Variants in USH1G observed in about 807,000 individuals in gnomAD.
The protein encoded by USH1G is USH1 protein network component sans.
A neutral mutation model predicts 31.9 loss-of-function variants in USH1G; 27 were observed. The observed-to-expected ratio is 0.85, with a 90% CI of 0.62 to 1.17. USH1G has a LOEUF of 1.17. Ranked by LOEUF, USH1G falls within the 50% of genes most tolerant of loss-of-function variation. USH1G has a pLI of 0.00. For synonymous variants in USH1G, 266 were observed against 283.2 expected (o/e 0.94, Z 0.61); for missense variants, 674 against 638.9 (o/e 1.05, Z -0.59).
chr17:74,923,090 G>A lies in USH1G; in HGVS notation c.-17C>T, dbSNP rs2038966038. 1.3e-6 allele frequency: 2 copies of A among 1,560,466 alleles called. No individual in the cohort carries two copies. Among genetic ancestry groups the A allele is most frequent in the African/African-American group, 2.7e-5 (2 of 73,996 alleles). ...GTCGTTCATGGCGCCCGAAGTGGAC[G>A]GGGCGGGCGGGGGACACGGAGAAAG... On this transcript the variant is annotated 5_prime_UTR_variant, in exon 1 of 3. Coordinates refer to ENST00000614341, the MANE Select transcript of USH1G (RefSeq NM_173477.5). The surrounding 1 kb of genome is among the most constrained non-coding windows in gnomAD (Gnocchi z 5.3).
rs979703509 is a variant in USH1G at position 74,921,507 on chromosome 17, G to A, written c.165-836C>T. On this transcript the variant is annotated intron_variant, in intron 1 of 2. Transcript: ENST00000614341. This position sits in a 1 kb window ranked among gnomAD's most constrained non-coding sequence, Gnocchi z 4.6. ...CTCCGGAGCTCTCCCTCCCTTGGGG[G>A]CCCAGCACAGCACCCCTGCCCTGCA... 1.3e-5 allele frequency among the ~76,000 whole-genome samples: 2 copies of A among 152,132 alleles called. No homozygotes were observed. The highest frequency in any genetic ancestry group is 1.3e-4 in the Admixed American group (2 of 15,288).
chr17:74,922,313 TCCACC>T (rs2038952827), intron 1 of USH1G, among the ~76,000 whole-genome samples: 1 of 133,242 alleles, frequency 7.5e-6, no homozygotes, highest in Non-Finnish European at 1.6e-5. Flanking sequence ...CATCACAGCC[TCCACC>T]ATTGCTTAGC....
rs1245079177 is a variant in USH1G at position 74,921,457 on chromosome 17, C to T, written c.165-786G>A. Reference sequence around the variant, plus strand: ...AGCACCCTTCACACCAGACGGGTGTCCCCCAGGGCAAGCTCCCAAGACTCC... The same window carrying T: ...AGCACCCTTCACACCAGACGGGTGTTCCCCAGGGCAAGCTCCCAAGACTCC... On this transcript the variant is annotated intron_variant, in intron 1 of 2. Transcript: ENST00000614341. The surrounding 1 kb of genome is among the most constrained non-coding windows in gnomAD (Gnocchi z 4.6). Among the ~76,000 whole-genome samples, 1 of 151,918 alleles carries T rather than the reference C, an allele frequency of 6.6e-6. No homozygotes were observed. Among genetic ancestry groups the T allele is most frequent in the African/African-American group, 2.4e-5 (1 of 41,332 alleles).
rs766986350 is a variant in USH1G, at chr17:74,919,597, G to A, written c.1239C>T (p.Ile413=). ...AGCACAGCATCAAAGCCTCGAGGTC[G>A]ATCTTCTCCTGCCGCAGGAGGGCGG... ...DFAALLRQEK[I]DLEALMLCSD... is the part of the protein sequence containing the mutation. Residue 413 remains isoleucine (I), a synonymous_variant, in exon 2 of 3, where the codon ATC becomes ATT. Transcript: ENST00000614341. The surrounding 1 kb of genome is among the most constrained non-coding windows in gnomAD (Gnocchi z 4.5). 1 of 1,612,672 alleles carries A rather than the reference G, an allele frequency of 6.2e-7. No individual in the cohort carries two copies. The highest frequency in any genetic ancestry group is 8.5e-7 in the Non-Finnish European group (1 of 1,180,050).
rs1460918320 is a variant in USH1G, at chr17:74,917,468, G to C, written c.*605C>G. 1 of 153,744 alleles carries C rather than the reference G, an allele frequency of 6.5e-6. No homozygotes were observed. Among genetic ancestry groups the C allele is most frequent in the African/African-American group, 2.4e-5 (1 of 41,580 alleles). The allele number at this position is 153,744 out of a possible 1,614,324, so 9.5% of individuals were successfully genotyped here. A position where few individuals can be genotyped will look rare whatever the true frequency, so the allele number is the denominator to read the frequency against. ...CACCCCACCCCAACCCGGCTTTCCA[G>C]CTCCGGGCCTTGACCACTAGGTGAA... On this transcript the variant is annotated 3_prime_UTR_variant, in exon 3 of 3. Transcript: ENST00000614341.
rs1567942110 is a variant in USH1G, at chr17:74,923,176, G to A, written c.-103C>T. 3 of 1,170,938 alleles carry A rather than the reference G, an allele frequency of 2.6e-6. No individual in the cohort carries two copies. Among genetic ancestry groups the A allele is most frequent in the South Asian group, 2.0e-5 (1 of 51,022 alleles). The allele number at this position is 1,170,938 out of a possible 1,614,324, so 72.5% of individuals were successfully genotyped here. On this transcript the variant is annotated 5_prime_UTR_variant, in exon 1 of 3. Coordinates refer to ENST00000614341, the MANE Select transcript of USH1G (RefSeq NM_173477.5). The surrounding 1 kb of genome is among the most constrained non-coding windows in gnomAD (Gnocchi z 5.3). Reference sequence around the variant, plus strand: ...AGGCATGAGGTTGGAGGACGGGGCCGGGCAGGGGCCGGGGCCGCCAGCCCC... The same window carrying A: ...AGGCATGAGGTTGGAGGACGGGGCCAGGCAGGGGCCGGGGCCGCCAGCCCC...
chr17:74,920,560 C>T lies in USH1G; in HGVS notation c.276G>A (p.Trp92Ter). The T allele has an allele frequency of 6.2e-7, 1 of 1,613,776 alleles. No individual in the cohort carries two copies. The highest frequency in any genetic ancestry group is 1.1e-5 in the South Asian group (1 of 91,086). ...SFLVSFGANI[W>*]CLDNDYHTPL... ...GCGTGTGGTAGTCGTTGTCTAGGCACCAGATGTTGGCTCCGAAGGACACCA... is the reference window on the plus strand; with the variant it reads ...GCGTGTGGTAGTCGTTGTCTAGGCATCAGATGTTGGCTCCGAAGGACACCA... The change falls in exon 2 of 3, where the codon TGG (tryptophan) becomes TGA (stop). Residue 92 changes from tryptophan (W) to a stop codon, truncating the protein, a stop_gained. Coordinates refer to ENST00000614341, the MANE Select transcript of USH1G (RefSeq NM_173477.5). LOFTEE classifies it high-confidence loss of function. The surrounding 1 kb of genome is among the most constrained non-coding windows in gnomAD (Gnocchi z 5.2).
rs935827811 is a variant in USH1G at position 74,917,902 on chromosome 17, A to T, written c.*171T>A. 7 of 847,608 alleles carry T rather than the reference A, an allele frequency of 8.3e-6. No homozygotes were observed. Among genetic ancestry groups the T allele is most frequent in the Non-Finnish European group, 1.4e-5 (7 of 517,698 alleles). 52.5% of individuals were successfully genotyped at this position (847,608 alleles called of 1,614,324 possible). A position where few individuals can be genotyped will look rare whatever the true frequency, so the allele number is the denominator to read the frequency against. Reference sequence around the variant, plus strand: ...ATTCTCTTGCCCCTCTGGTGCCTCCAGGCCACACCCTCAGCTTCAAGGTGC... The same window carrying T: ...ATTCTCTTGCCCCTCTGGTGCCTCCTGGCCACACCCTCAGCTTCAAGGTGC... On this transcript the variant is annotated 3_prime_UTR_variant, in exon 3 of 3. Coordinates refer to ENST00000614341, the MANE Select transcript of USH1G (RefSeq NM_173477.5).
rs1350999689 is a variant in USH1G, at chr17:74,916,396, C to T, written c.*1677G>A. The T allele has an allele frequency of 6.6e-6, 1 of 152,274 alleles. No homozygotes were observed. Among genetic ancestry groups the T allele is most frequent in the African/African-American group, 2.4e-5 (1 of 41,430 alleles). The allele number at this position is 152,274 out of a possible 1,614,324, so 9.4% of individuals were successfully genotyped here. ...GCAGTAGGACAGGGACCATCTCCTC[C>T]ATGCCCCCTACTCTGGGCACATGTG... On this transcript the variant is annotated 3_prime_UTR_variant, in exon 3 of 3. Transcript: ENST00000614341.
chr17:74,918,738 A>G lies in USH1G; in HGVS notation c.1383-662T>C, dbSNP rs2038894592. ...AGGCTGAGGCAGGAGAATCGCTTGAACCCGGGAGGTGGAGGTTACAGTGAT... is the reference window on the plus strand; with the variant it reads ...AGGCTGAGGCAGGAGAATCGCTTGAGCCCGGGAGGTGGAGGTTACAGTGAT... On this transcript the variant is annotated intron_variant, in intron 2 of 2. Coordinates refer to ENST00000614341, the MANE Select transcript of USH1G (RefSeq NM_173477.5). The surrounding 1 kb of genome is among the most constrained non-coding windows in gnomAD (Gnocchi z 4.1). Among the ~76,000 whole-genome samples, 2 of 149,700 alleles carry G rather than the reference A, an allele frequency of 1.3e-5. No individual in the cohort carries two copies. Among genetic ancestry groups the G allele is most frequent in the Non-Finnish European group, 3.0e-5 (2 of 67,582 alleles).
In USH1G at chr17:74,917,818, G is replaced by A. The variant is rs2038886218; in HGVS notation, c.*255C>T. On this transcript the variant is annotated 3_prime_UTR_variant, in exon 3 of 3. Transcript: ENST00000614341. ...CCCCCAAGTCTACATGTCCTTTACG[G>A]CTGCTCAGAATGGGTGGCTCAGGGC... is the stretch of plus-strand genomic sequence containing the variant. 1.1e-5 allele frequency: 6 copies of A among 562,282 alleles called. No individual in the cohort carries two copies. The South Asian group carries it at 1.2e-4, about 12-fold the overall frequency. The allele number at this position is 562,282 out of a possible 1,614,324, so 34.8% of individuals were successfully genotyped here.
Position 74,917,891 on chromosome 17 carries a change from C to T in USH1G, c.*182G>A. 1.3e-6 allele frequency: 1 copy of T among 751,770 alleles called. No individual in the cohort carries two copies. Among genetic ancestry groups the T allele is most frequent in the Non-Finnish European group, 2.3e-6 (1 of 440,824 alleles). 46.6% of individuals were successfully genotyped at this position (751,770 alleles called of 1,614,324 possible). On this transcript the variant is annotated 3_prime_UTR_variant, in exon 3 of 3. Coordinates refer to ENST00000614341, the MANE Select transcript of USH1G (RefSeq NM_173477.5). ...AGTTCCGGAACATTCTCTTGCCCCT[C>T]TGGTGCCTCCAGGCCACACCCTCAG...
In USH1G at chr17:74,917,714, G is replaced by C. The variant is rs535347408; in HGVS notation, c.*359C>G. On this transcript the variant is annotated 3_prime_UTR_variant, in exon 3 of 3. Transcript: ENST00000614341. The stretch of plus-strand genomic sequence containing the variant: ...GGGTGGGAGAGGCCACGGCGCCCGG[G>C]ACAGGTGCACCCTCCCGCATCCACC... The C allele has an allele frequency of 2.8e-6, 1 of 354,120 alleles. No homozygotes were observed. 21.9% of individuals were successfully genotyped at this position (354,120 alleles called of 1,614,324 possible).
chr17:74,916,891 GCA>G lies in USH1G; in HGVS notation c.*1180_*1181del, dbSNP rs746904393. 0.039 allele frequency: 6,015 copies of G among 152,390 alleles called. 349 individuals carry two copies. The highest frequency in any genetic ancestry group is 0.14 in the African/African-American group (5,636 of 41,326). The allele number at this position is 152,390 out of a possible 1,614,324, so 9.4% of individuals were successfully genotyped here. ...CGTGAGTGTGCACACACGCACACAT[GCA>G]CACACACACACATGCATGCACACAC... On this transcript the variant is annotated 3_prime_UTR_variant, in exon 3 of 3. Transcript: ENST00000614341.
Position 74,923,111 on chromosome 17 carries a change from G to A in USH1G, c.-38C>T. ...GGACGGGGCGGGCGGGGGACACGGA[G>A]AAAGGCCCCCCGCAGGGGAGGGCGG... On this transcript the variant is annotated 5_prime_UTR_variant, in exon 1 of 3. Transcript: ENST00000614341. The surrounding 1 kb of genome is among the most constrained non-coding windows in gnomAD (Gnocchi z 5.3). 2 of 1,538,592 alleles carry A rather than the reference G, an allele frequency of 1.3e-6. No individual in the cohort carries two copies. The highest frequency in any genetic ancestry group is 8.8e-7 in the Non-Finnish European group (1 of 1,136,930).
chr17:74,920,027 G>A lies in USH1G; in HGVS notation c.809C>T (p.Ala270Val), dbSNP rs755287596. ...CGAGAGGAACATGTCCCGGAGCGGGGCTCGGCCCCACTCCTTGGGATTGGC... is the reference window on the plus strand; with the variant it reads ...CGAGAGGAACATGTCCCGGAGCGGGACTCGGCCCCACTCCTTGGGATTGGC... ...TYANPKEWGRAPLRDMFLSDE... is the reference protein window; with the variant it reads ...TYANPKEWGRVPLRDMFLSDE... The change falls in exon 2 of 3, where the codon GCC (alanine) becomes GTC (valine). Residue 270 changes from alanine to valine, a missense_variant. Physicochemically the swap from Ala to Val is moderately conservative, Grantham distance 64. Transcript: ENST00000614341. The surrounding 1 kb of genome is among the most constrained non-coding windows in gnomAD (Gnocchi z 5.2). 5.6e-6 allele frequency: 9 copies of A among 1,611,390 alleles called. No individual in the cohort carries two copies. Among genetic ancestry groups the A allele is most frequent in the Non-Finnish European group, 6.8e-6 (8 of 1,179,726 alleles).
At position 74,918,172 on chromosome 17, in the gene USH1G, C is replaced by A. The variant is rs1448786047; in HGVS notation, c.1383-96G>T. ...CAGCCATCTGGACAACTTAGCCTCC[C>A]CATCTCTCGGCAGGCCAATTGTCAG... is the stretch of plus-strand genomic sequence containing the variant. On this transcript the variant is annotated intron_variant, in intron 2 of 2. Transcript: ENST00000614341. The surrounding 1 kb of genome is among the most constrained non-coding windows in gnomAD (Gnocchi z 4.1). The A allele has an allele frequency of 6.5e-7, 1 of 1,544,652 alleles. No homozygotes were observed. Among genetic ancestry groups the A allele is most frequent in the Non-Finnish European group, 8.8e-7 (1 of 1,130,132 alleles).
Position 74,919,400 on chromosome 17 carries a change from C to A in USH1G, c.1382+54G>T. 6.4e-7 allele frequency: 1 copy of A among 1,555,902 alleles called. No homozygotes were observed. Among genetic ancestry groups the A allele is most frequent in the South Asian group, 1.2e-5 (1 of 81,822 alleles). Reference sequence around the variant, plus strand: ...AATAGGCAGATCTGTACCCCCTCCCCAGGGGCCTTCCAACTCCTGCTCCTC... The same window carrying A: ...AATAGGCAGATCTGTACCCCCTCCCAAGGGGCCTTCCAACTCCTGCTCCTC... On this transcript the variant is annotated intron_variant, in intron 2 of 2. Transcript: ENST00000614341. This position sits in a 1 kb window ranked among gnomAD's most constrained non-coding sequence, Gnocchi z 4.5.
In USH1G at chr17:74,917,991, T is replaced by C; in HGVS notation, c.*82A>G. 6.3e-7 allele frequency: 1 copy of C among 1,587,334 alleles called. No individual in the cohort carries two copies. Among genetic ancestry groups the C allele is most frequent in the Admixed American group, 1.7e-5 (1 of 59,318 alleles). The stretch of plus-strand genomic sequence containing the variant: ...CTCCTGGGGAAGGGGGCTGCAGGGC[T>C]GGCAACTGTGAGGACCTCGAGACCC... On this transcript the variant is annotated 3_prime_UTR_variant, in exon 3 of 3. Transcript: ENST00000614341.
Sources: gnomAD v4.1 joint callset for allele counts (sites outside exome capture counted in the v4.1 genomes callset) on GRCh38, gnomAD v4.1.1 for gene constraint, Gnocchi (gnomAD v3.1) non-coding constraint, MANE v1.5 for transcripts, NCBI Gene and HGNC (gene_info 2026-07-23, HGNC 2026-07-21) for gene names.